The following NRXN1 variants were observed in gnomAD, a reference collection of about 807,000 sequenced individuals.
NRXN1 encodes the protein neurexin 1, also known as neurexin-1.
NRXN1 carries 39 observed loss-of-function variants against 150.9 expected under a neutral mutation model. That is an observed-to-expected ratio of 0.26 (90% CI 0.20 to 0.34). The LOEUF is 0.34. Ranked by LOEUF, NRXN1 falls within the 10% of genes least tolerant of loss-of-function variation. The pLI is 1.00. For synonymous variants in NRXN1, 924 were observed against 757.0 expected (o/e 1.22, Z -3.62); for missense variants, 1,815 against 1,949.9 (o/e 0.93, Z 1.30).
intron 18 of NRXN1, among the ~76,000 whole-genome samples, chr2:50,098,753 C>T (rs903592540): frequency 7.5e-5 from 11 of 146,166 alleles, no homozygotes; most frequent in African/African-American, 2.5e-4. Context: ...AGGAAAATGT[C>T]TTGAAACTAA....
At chr2:50,370,850 G>A (rs2079967603) in intron 17 of NRXN1, among the ~76,000 whole-genome samples, 1 of 151,834 alleles carries the variant, frequency 6.6e-6, no homozygotes, top group Admixed American at 6.6e-5. Flanking sequence ...CTCTGCTCTT[G>A]CTAAGACTGA....
chr2:50,460,149 A>G (rs2088019162), intron 17 of NRXN1, among the ~76,000 whole-genome samples: 1 of 152,122 alleles, frequency 6.6e-6, no homozygotes. Context: ...GTGTTACCAC[A>G]GTAAGACCAA....
At chr2:50,033,544 T>C (rs1317652432) in intron 21 of NRXN1, among the ~76,000 whole-genome samples, 2 of 151,958 alleles carry the variant, frequency 1.3e-5, no homozygotes, top group East Asian at 3.9e-4. Flanking sequence ...ACCTATGCAA[T>C]ACCATTCTCG....
intron 2 of NRXN1, among the ~76,000 whole-genome samples, chr2:51,014,430 A>T (rs1389852378): frequency 6.6e-6 from 1 of 152,112 alleles, no homozygotes; most frequent in Non-Finnish European, 1.5e-5. Context: ...AATTTATGTC[A>T]GCAGAGAAAG....
intron 18 of NRXN1, among the ~76,000 whole-genome samples, chr2:50,165,048 G>A (rs2059590844): frequency 6.6e-6 from 1 of 152,078 alleles, no homozygotes; most frequent in Non-Finnish European, 1.5e-5. Flanking sequence ...CTATCCTAGG[G>A]TGAAAGAACC....
intron 17 of NRXN1, among the ~76,000 whole-genome samples, chr2:50,340,558 GA>G (rs2077477209): frequency 6.6e-6 from 1 of 152,060 alleles, no homozygotes; most frequent in African/African-American, 2.4e-5. Context: ...TAAGGGACCT[GA>G]ATATAATCTT....
Position 50,070,072 on chromosome 2 carries a change from G to A in NRXN1, c.3719-15028C>T, listed in dbSNP as rs540530452. Among the ~76,000 whole-genome samples, 6 of 151,862 alleles carry A rather than the reference G, an allele frequency of 4.0e-5. No individual in the cohort carries two copies. The East Asian group carries it at 5.9e-4, about 15-fold the overall frequency. The stretch of plus-strand genomic sequence containing the variant: ...TCACCGTGTTAGCCAGGGTGATTTC[G>A]ATCTCCTGACCTTGCGATCTGCCCG... On this transcript the variant is annotated intron_variant, in intron 19 of 22. Transcript: ENST00000401669.
intron 21 of NRXN1, among the ~76,000 whole-genome samples, chr2:49,962,474 G>T (rs1241041101): frequency 3.3e-5 from 5 of 152,170 alleles, no homozygotes; most frequent in African/African-American, 4.8e-5. Context: ...AATATGTAAT[G>T]CCTGAAACTA....
At chr2:50,550,983 T>G (rs538235550) in intron 9 of NRXN1, among the ~76,000 whole-genome samples, 2 of 150,150 alleles carry the variant, frequency 1.3e-5, no homozygotes, top group African/African-American at 4.9e-5. Flanking sequence ...GCCCAGCCTC[T>G]TCTCAGCTTA....
chr2:50,742,362 A>G (rs1414412903), intron 5 of NRXN1, among the ~76,000 whole-genome samples: 1 of 151,940 alleles, frequency 6.6e-6, no homozygotes, highest in African/African-American at 2.4e-5. Context: ...TTTGCTTTAC[A>G]GAAACCCAAG....
At chr2:50,328,421 G>C (rs1043496857) in intron 17 of NRXN1, among the ~76,000 whole-genome samples, 1 of 151,932 alleles carries the variant, frequency 6.6e-6, no homozygotes, top group African/African-American at 2.4e-5. Flanking sequence ...CCTTCTCCAG[G>C]CTGCAGCATT....
intron 17 of NRXN1, among the ~76,000 whole-genome samples, chr2:50,354,091 C>T (rs12475979): frequency 0.21 from 31,436 of 152,008 alleles, 3,908 homozygotes; most frequent in East Asian, 0.43. Context: ...TCCAATATAA[C>T]TACAGGCAGA....
chr2:50,446,104 T>C (rs2086380082), intron 17 of NRXN1, among the ~76,000 whole-genome samples: 1 of 151,666 alleles, frequency 6.6e-6, no homozygotes, highest in South Asian at 2.1e-4. Flanking sequence ...GCACATAAGG[T>C]AACTTTGTGT....
chr2:50,092,509 C>T (rs1055405789), intron 18 of NRXN1, among the ~76,000 whole-genome samples: 4 of 152,172 alleles, frequency 2.6e-5, no homozygotes, highest in Admixed American at 1.3e-4. Context: ...TGAGAGAAAT[C>T]ACACGGAGGA....
intron 5 of NRXN1, among the ~76,000 whole-genome samples, chr2:50,743,816 T>G (rs1390226359): frequency 6.6e-6 from 1 of 152,170 alleles, no homozygotes; most frequent in Non-Finnish European, 1.5e-5. Context: ...TATACTGAAT[T>G]TATTCAATAA....
chr2:50,535,677 A>G (rs2093239067), intron 10 of NRXN1, among the ~76,000 whole-genome samples: 1 of 152,204 alleles, frequency 6.6e-6, no homozygotes, highest in South Asian at 2.1e-4. Context: ...TTATTTCTGT[A>G]CTACTCCTTC....
chr2:50,794,905 T>C (rs545730145), intron 5 of NRXN1, among the ~76,000 whole-genome samples: 1 of 152,254 alleles, frequency 6.6e-6, no homozygotes, highest in African/African-American at 2.4e-5. Context: ...GAAAATATAA[T>C]TAGACAACAA....
intron 17 of NRXN1, among the ~76,000 whole-genome samples, chr2:50,396,313 T>C (rs992405416): frequency 1.3e-5 from 2 of 152,222 alleles, no homozygotes; most frequent in African/African-American, 4.8e-5. Context: ...ATTTAACATG[T>C]GAAAGTTTCT....
chr2:50,519,941 T>TA (rs2105112976), intron 12 of NRXN1, among the ~76,000 whole-genome samples: 1 of 152,072 alleles, frequency 6.6e-6, no homozygotes, highest in Admixed American at 6.5e-5. Context: ...AGATTACATT[T>TA]AAAAATATTG....
Sources: gnomAD v4.1 joint callset for allele counts (sites outside exome capture counted in the v4.1 genomes callset) on GRCh38, gnomAD v4.1.1 for gene constraint, MANE v1.5 for transcripts, NCBI Gene and HGNC (gene_info 2026-07-23, HGNC 2026-07-21) for gene names.